Variants in RAB3C observed in about 807,000 individuals in gnomAD.
RAB3C encodes ras-related protein Rab-3C.
Under a neutral mutation model 26.4 loss-of-function variants are expected in RAB3C, and 17 were observed. That is an observed-to-expected ratio of 0.64 (90% CI 0.44 to 0.97). RAB3C has a LOEUF of 0.97. RAB3C is among the 50% of genes least tolerant of loss of function. The pLI is 0.00. For synonymous variants in RAB3C, 91 were observed against 95.9 expected (o/e 0.95, Z 0.30); for missense variants, 242 against 281.9 (o/e 0.86, Z 1.01).
chr5:58,598,724 A>T (rs1323933315), intron 1 of RAB3C, among the ~76,000 whole-genome samples: 1 of 152,118 alleles, frequency 6.6e-6, no homozygotes, highest in African/African-American at 2.4e-5. Context: ...TATATTGATA[A>T]ATACTTTTTG....
chr5:58,821,576 T>C (rs1431377992), intron 3 of RAB3C, among the ~76,000 whole-genome samples: 1 of 152,208 alleles, frequency 6.6e-6, no homozygotes, highest in Non-Finnish European at 1.5e-5. Flanking sequence ...ATTTCTCCAG[T>C]CCTGCCAAAT....
At chr5:58,716,288 C>T (rs1037524242) in intron 2 of RAB3C, among the ~76,000 whole-genome samples, 4 of 151,904 alleles carry the variant, frequency 2.6e-5, no homozygotes, top group African/African-American at 7.3e-5. Context: ...TTTGAAATAA[C>T]GAAGCTGAAA....
intron 3 of RAB3C, among the ~76,000 whole-genome samples, chr5:58,777,044 ACTGAGT>A (rs1742158474): frequency 1.3e-5 from 2 of 152,198 alleles, no homozygotes; most frequent in Non-Finnish European, 2.9e-5. Context: ...CAGCTATGCT[ACTGAGT>A]CTTCCAAAAT....
chr5:58,797,352 AAATATGTATATATAT>A (rs1450992000), intron 3 of RAB3C, among the ~76,000 whole-genome samples: 54 of 58,282 alleles, frequency 9.3e-4, no homozygotes, highest in South Asian at 1.9e-3. Flanking sequence ...AAAAAAAAAA[AAATATGTATATATAT>A]AATATATATA....
At chr5:58,743,518 A>G (rs1440959655) in intron 3 of RAB3C, among the ~76,000 whole-genome samples, 1 of 152,030 alleles carries the variant, frequency 6.6e-6, no homozygotes, top group African/African-American at 2.4e-5. Flanking sequence ...CTAGGTTTTA[A>G]GCCCTCATGC....
At chr5:58,661,925 T>C (rs1747913829) in intron 2 of RAB3C, among the ~76,000 whole-genome samples, 1 of 149,918 alleles carries the variant, frequency 6.7e-6, no homozygotes, top group African/African-American at 2.5e-5. Context: ...ATTTTTAGTG[T>C]GAGCAGGAAA....
intron 2 of RAB3C, among the ~76,000 whole-genome samples, chr5:58,680,947 C>T (rs1406758991): frequency 1.3e-5 from 2 of 152,186 alleles, no homozygotes; most frequent in East Asian, 3.8e-4. Flanking sequence ...CCCCTTGCTT[C>T]ACTCAGCTGT....
At chr5:58,811,448 A>AAACATTT (rs1321584549) in intron 3 of RAB3C, among the ~76,000 whole-genome samples, 1 of 151,980 alleles carries the variant, frequency 6.6e-6, no homozygotes, top group African/African-American at 2.4e-5. Context: ...AATGCTTTGG[A>AAACATTT]AACATTTATT....
chr5:58,735,041 C>A (rs562593980), intron 3 of RAB3C, among the ~76,000 whole-genome samples: 1 of 152,310 alleles, frequency 6.6e-6, no homozygotes, highest in South Asian at 2.1e-4. Flanking sequence ...ACCAACTATT[C>A]TCTGACTCAT....
intron 2 of RAB3C, among the ~76,000 whole-genome samples, chr5:58,668,234 G>A (rs1300823207): frequency 6.6e-6 from 1 of 152,120 alleles, no homozygotes; most frequent in Admixed American, 6.6e-5. Flanking sequence ...TCAGAGAAAA[G>A]TGATTAGAAC....
chr5:58,720,234 A>T (rs891463332), intron 2 of RAB3C, among the ~76,000 whole-genome samples: 2 of 151,914 alleles, frequency 1.3e-5, no homozygotes, highest in Non-Finnish European at 2.9e-5. Context: ...ATTTTTGTAG[A>T]TATATAGAGA....
intron 2 of RAB3C, among the ~76,000 whole-genome samples, chr5:58,693,349 T>TATATATATATATATATATATATACAC (rs1561291405): frequency 6.9e-6 from 1 of 143,908 alleles, no homozygotes; most frequent in African/African-American, 2.6e-5. Flanking sequence ...TATATATATA[T>TATATATATATATATATATATATACAC]ATATATATAT....
intron 3 of RAB3C, among the ~76,000 whole-genome samples, chr5:58,767,807 C>T (rs943553432): frequency 1.3e-4 from 19 of 151,818 alleles, no homozygotes; most frequent in East Asian, 1.9e-4. Flanking sequence ...ATAGAGAACA[C>T]GAGAGACATG....
chr5:58,835,347 C>G (rs367584547), intron 4 of RAB3C, among the ~76,000 whole-genome samples: 1 of 152,150 alleles, frequency 6.6e-6, no homozygotes, highest in African/African-American at 2.4e-5. Flanking sequence ...TCTTACCAAC[C>G]TTTGACCCCT....
intron 3 of RAB3C, among the ~76,000 whole-genome samples, chr5:58,783,830 C>A (rs1197808280): frequency 1.3e-5 from 2 of 152,172 alleles, no homozygotes; most frequent in African/African-American, 2.4e-5. Flanking sequence ...AAACCAGGAA[C>A]CTTGAGAAGT....
At chr5:58,846,281 T>G (rs1040558783) in intron 4 of RAB3C, among the ~76,000 whole-genome samples, 1 of 152,168 alleles carries the variant, frequency 6.6e-6, no homozygotes, top group Admixed American at 6.5e-5. Flanking sequence ...TAACCTTAAA[T>G]GTGCGTAAGA....
intron 2 of RAB3C, among the ~76,000 whole-genome samples, chr5:58,668,902 G>A (rs893619027): frequency 9.9e-5 from 15 of 152,058 alleles, no homozygotes; most frequent in Non-Finnish European, 2.2e-4. Context: ...ACAGTTCTAG[G>A]GGCTTGGAAG....
chr5:58,817,952 A>G (rs992185098), intron 3 of RAB3C, among the ~76,000 whole-genome samples: 1 of 152,258 alleles, frequency 6.6e-6, no homozygotes, highest in African/African-American at 2.4e-5. Context: ...AGGGAAATGG[A>G]TGCAGTAGAG....
At chr5:58,828,723 C>G (rs1219875050) in intron 4 of RAB3C, among the ~76,000 whole-genome samples, 1 of 152,146 alleles carries the variant, frequency 6.6e-6, no homozygotes, top group Non-Finnish European at 1.5e-5. Context: ...AGACCTGCTG[C>G]ATCAGAGTTT....
Sources: allele counts gnomAD v4.1 joint callset (sites outside exome capture counted in the v4.1 genomes callset), GRCh38; gene constraint gnomAD v4.1.1; transcripts MANE v1.5; gene names NCBI Gene and HGNC (gene_info 2026-07-23, HGNC 2026-07-21).